Variants in MIPEP observed in about 807,000 individuals in gnomAD.
MIPEP encodes the protein mitochondrial intermediate peptidase.
In MIPEP, 79 loss-of-function variants were observed where a neutral mutation model predicts 90.3. The observed-to-expected ratio is 0.87, with a 90% CI of 0.73 to 1.05. MIPEP has a LOEUF of 1.05. Among genes scored for constraint, MIPEP ranks in the 50% least tolerant of loss-of-function variants. MIPEP has a pLI of 0.00. For missense variants in MIPEP, 940 were observed against 905.6 expected, an observed-to-expected ratio of 1.04 and a Z score of -0.49; for synonymous variants, 334 against 315.8, an observed-to-expected ratio of 1.06 and a Z score of -0.61.
rs530893036 is a variant in MIPEP at position 23,808,363 on chromosome 13, T to C, written c.1728+1487A>G. 3.9e-5 allele frequency among the ~76,000 whole-genome samples: 6 copies of C among 152,288 alleles called. No individual in the cohort carries two copies. The East Asian group carries it at 1.2e-3, about 29-fold the overall frequency. On this transcript the variant is annotated intron_variant, in intron 15 of 18. Transcript: ENST00000382172. ...ATCCGCCCGCCTCGGCCTCCCAACG[T>C]GCTGGGATTATAAGTGTGAGCCACC...
intron 11 of MIPEP, among the ~76,000 whole-genome samples, chr13:23,840,718 A>G (rs1280651719): frequency 6.6e-6 from 1 of 152,214 alleles, no homozygotes; most frequent in Non-Finnish European, 1.5e-5. Context: ...CAGTGTGGTA[A>G]GCATGCTAGC....
chr13:23,861,075 C>T (rs926212943), intron 9 of MIPEP, among the ~76,000 whole-genome samples: 5 of 152,122 alleles, frequency 3.3e-5, no homozygotes, highest in African/African-American at 1.2e-4. Flanking sequence ...GATGCTACTG[C>T]TTCTGGTCCA....
chr13:23,830,942 T>C (rs1868708682), intron 14 of MIPEP, among the ~76,000 whole-genome samples: 1 of 151,974 alleles, frequency 6.6e-6, no homozygotes, highest in Non-Finnish European at 1.5e-5. Context: ...AAAGGGATAT[T>C]GTGGGTAAAG....
intron 14 of MIPEP, among the ~76,000 whole-genome samples, chr13:23,833,325 T>C (rs1868859769): frequency 6.6e-6 from 1 of 152,356 alleles, no homozygotes; most frequent in Non-Finnish European, 1.5e-5. Flanking sequence ...TCAAAGCATT[T>C]ACATGTCTCT....
At chr13:23,734,592 C>T (rs1952239819) in intron 18 of MIPEP, among the ~76,000 whole-genome samples, 1 of 152,014 alleles carries the variant, frequency 6.6e-6, no homozygotes, top group South Asian at 2.1e-4. Context: ...ATCTTGGGAC[C>T]TCAAGAGGAG....
intron 14 of MIPEP, among the ~76,000 whole-genome samples, chr13:23,822,162 A>T (rs1953314092): frequency 6.6e-6 from 1 of 152,206 alleles, no homozygotes; most frequent in Non-Finnish European, 1.5e-5. Flanking sequence ...AAATGGTAGA[A>T]ATGTTGTTTC....
At chr13:23,806,216 T>C (rs1953105523) in intron 15 of MIPEP, 147 bp from the exon 16 acceptor site, 1 of 789,910 alleles carries the variant, frequency 1.3e-6, no homozygotes, top group African/African-American at 1.7e-5. Context: ...TGGTTTGAAA[T>C]GTATTTCATA....
chr13:23,874,377 C>G (rs1181989340), intron 5 of MIPEP, among the ~76,000 whole-genome samples: 1 of 151,746 alleles, frequency 6.6e-6, no homozygotes, highest in Non-Finnish European at 1.5e-5. Context: ...GTTTCCACAT[C>G]TGTAAAATGA....
At chr13:23,831,383 C>CGGGGGGGGGGGGGGGGGGGGGGG (rs1555237542) in intron 14 of MIPEP, among the ~76,000 whole-genome samples, 1 of 40,916 alleles carries the variant, frequency 2.4e-5, no homozygotes, top group Non-Finnish European at 5.9e-5. Flanking sequence ...TTCCCCATGG[C>CGGGGGGGGGGGGGGGGGGGGGGG]GGGGGGGGGA....
intron 18 of MIPEP, among the ~76,000 whole-genome samples, chr13:23,747,853 G>T (rs528980122): frequency 1.3e-5 from 2 of 152,242 alleles, no homozygotes; most frequent in Admixed American, 1.3e-4. Context: ...TGATTCTCCT[G>T]CCTCAGACTC....
chr13:23,816,012 G>A (rs1003470738), intron 14 of MIPEP, among the ~76,000 whole-genome samples: 9 of 152,120 alleles, frequency 5.9e-5, no homozygotes, highest in African/African-American at 2.2e-4. Context: ...AGTTTTGAAC[G>A]AAAAGTCTAC....
chr13:23,864,508 G>A (rs1169499741), intron 7 of MIPEP, among the ~76,000 whole-genome samples: 6 of 152,046 alleles, frequency 3.9e-5, no homozygotes. Context: ...GAGGGCAGGG[G>A]GTGGATCACC....
chr13:23,789,908 C>T (rs118101807), intron 16 of MIPEP, among the ~76,000 whole-genome samples: 437 of 152,324 alleles, frequency 2.9e-3, no homozygotes, highest in Middle Eastern at 0.01. Context: ...TCTGTATCCA[C>T]TTTCTGCCCT....
At chr13:23,850,236 A>C (rs1403856342) in intron 10 of MIPEP, among the ~76,000 whole-genome samples, 1 of 152,234 alleles carries the variant, frequency 6.6e-6, no homozygotes, top group Non-Finnish European at 1.5e-5. Context: ...GGAATGACTA[A>C]GTATAATTCT....
intron 10 of MIPEP, among the ~76,000 whole-genome samples, chr13:23,848,095 A>G (rs1869626686): frequency 6.6e-6 from 1 of 152,188 alleles, no homozygotes. Flanking sequence ...CCATGCTTTG[A>G]GCAAGTTACT....
intron 15 of MIPEP, among the ~76,000 whole-genome samples, chr13:23,808,280 T>C (rs1333155767): frequency 1.3e-5 from 2 of 152,176 alleles, no homozygotes; most frequent in East Asian, 1.9e-4. Flanking sequence ...TTTGTATTTT[T>C]AGTAGAGTTG....
intron 2 of MIPEP, among the ~76,000 whole-genome samples, chr13:23,883,051 C>G (rs1290445404): frequency 1.3e-5 from 2 of 151,924 alleles, no homozygotes; most frequent in African/African-American, 2.4e-5. Context: ...AAACGATTGC[C>G]TTATAACAGT....
chr13:23,842,258 A>T (rs1566014165), intron 10 of MIPEP: 1 of 150,954 alleles, frequency 6.6e-6, no homozygotes, highest in Non-Finnish European at 1.5e-5. Flanking sequence ...CAAAATACAC[A>T]TTTTTTTTTC....
intron 5 of MIPEP, among the ~76,000 whole-genome samples, chr13:23,870,782 G>A (rs541726016): frequency 1.1e-4 from 16 of 152,220 alleles, no homozygotes; most frequent in African/African-American, 3.6e-4. Flanking sequence ...TCCAGCCTGT[G>A]AGACAGAGGG....
Sources: allele counts gnomAD v4.1 joint callset (sites outside exome capture counted in the v4.1 genomes callset), GRCh38; gene constraint gnomAD v4.1.1; transcripts MANE v1.5; gene names NCBI Gene and HGNC (gene_info 2026-07-23, HGNC 2026-07-21).